Variants in ELN observed in about 807,000 individuals in gnomAD.
ELN encodes the protein tropoelastin.
In ELN, 65 loss-of-function variants were observed where a neutral mutation model predicts 105.8. The observed-to-expected ratio is 0.61, with a 90% CI of 0.50 to 0.75. ELN has a LOEUF of 0.75. ELN is among the 30% of genes least tolerant of loss of function. The pLI is 0.00. For synonymous variants in ELN, 368 were observed against 389.2 expected (o/e 0.95, Z 0.64); for missense variants, 882 against 969.4 (o/e 0.91, Z 1.20).
intron 5 of ELN, 137 bp downstream of exon 5, chr7:74,041,388 G>A: frequency 1.8e-6 from 2 of 1,084,982 alleles, no homozygotes; most frequent in East Asian, 2.4e-5. Flanking sequence ...GACTGATGCT[G>A]ATACCAACTG....
At chr7:74,047,950 T>G (rs1792955045) in intron 13 of ELN, among the ~76,000 whole-genome samples, 192 bp from the exon 14 acceptor site, 2 of 152,206 alleles carry the variant, frequency 1.3e-5, no homozygotes, top group Non-Finnish European at 2.9e-5. Flanking sequence ...GTTGCTTCTT[T>G]GAGCCTCTGT....
Position 74,051,989 on chromosome 7 carries a change from T to G in ELN, c.949+6T>G. The G allele has an allele frequency of 6.2e-7, 1 of 1,612,802 alleles. No individual in the cohort carries two copies. The highest frequency in any genetic ancestry group is 8.5e-7 in the Non-Finnish European group (1 of 1,179,984). ...CGCTAAGGCAGCCAAGTATGGTGAG[T>G]GCCTCCCGGGGTGGCAAGTCCACGG... On this transcript the variant is annotated splice_donor_region_variant and intron_variant, in intron 17 of 32. Coordinates refer to ENST00000252034, the MANE Select transcript of ELN (RefSeq NM_000501.4).
chr7:74,045,075 G>T, intron 9 of ELN, 147 bp from the exon 10 acceptor site: 1 of 820,722 alleles, frequency 1.2e-6, no homozygotes, highest in South Asian at 1.4e-5. Flanking sequence ...CACTAAACAG[G>T]TCCTTTCTCC....
At chr7:74,051,065 G>A (rs974440770) in intron 15 of ELN, among the ~76,000 whole-genome samples, 2 of 152,216 alleles carry the variant, frequency 1.3e-5, no homozygotes, top group Admixed American at 6.5e-5. Flanking sequence ...CAGATGGAAC[G>A]TGGTATTCCT....
rs1583951541 is a variant in ELN, at chr7:74,059,518, C to T, written c.1415-368C>T. On this transcript the variant is annotated intron_variant, in intron 22 of 32. Transcript: ENST00000252034. The stretch of plus-strand genomic sequence containing the variant: ...CCAACATGGTGAAACCCTGTCTCTA[C>T]TAAAAATACAAAAAAATTAGCCGGG... 1.4e-5 allele frequency: 5 copies of T among 355,182 alleles called. No individual in the cohort carries two copies. In the East Asian group the frequency reaches 2.7e-4, roughly 19 times the overall value. 22.0% of individuals were successfully genotyped at this position (355,182 alleles called of 1,614,324 possible). A position where few individuals can be genotyped will look rare whatever the true frequency, so the allele number is the denominator to read the frequency against.
intron 1 of ELN, 140 bp from the exon 2 acceptor site, chr7:74,035,224 A>T: frequency 1.2e-6 from 1 of 812,520 alleles, no homozygotes; most frequent in Non-Finnish European, 2.1e-6. Flanking sequence ...AAGCAATGTC[A>T]TTATTGCCAT....
At chr7:74,052,088 TATGCATTGTTCATG>T (rs1341927891) in intron 17 of ELN, 105 bp downstream of exon 17, 14 of 1,296,050 alleles carry the variant, frequency 1.1e-5, no homozygotes, top group Non-Finnish European at 1.5e-5. Flanking sequence ...CCTTCCCAAA[TATGCATTGTTCATG>T]CCTCCTTACC....
In ELN at chr7:74,035,419, C is replaced by T. The variant is rs375144839; in HGVS notation, c.133+5C>T. ...CTGGAGGAGTCTTTTATCCAGGTAA[C>T]GTACATGAAACTTCCACACACCCAG... is the stretch of plus-strand genomic sequence containing the variant. On this transcript the variant is annotated splice_donor_5th_base_variant and intron_variant, in intron 2 of 32. Transcript: ENST00000252034. 13 of 1,613,964 alleles carry T rather than the reference C, an allele frequency of 8.1e-6. No homozygotes were observed. In the East Asian group the frequency reaches 1.3e-4, roughly 17 times the overall value.
intron 15 of ELN, 142 bp from the exon 16 acceptor site, chr7:74,051,608 C>T: frequency 1.2e-6 from 1 of 837,222 alleles, no homozygotes; most frequent in Non-Finnish European, 1.9e-6. Context: ...GGGGGCCTCC[C>T]CAGACAGGCC....
intron 19 of ELN, among the ~76,000 whole-genome samples, chr7:74,055,390 A>G (rs1464536217): frequency 6.6e-6 from 1 of 152,204 alleles, no homozygotes; most frequent in Non-Finnish European, 1.5e-5. Context: ...AGCCTGGGCA[A>G]CATAGCAAGA....
intron 32 of ELN, among the ~76,000 whole-genome samples, chr7:74,068,375 A>G (rs1331350225): frequency 6.6e-6 from 1 of 152,222 alleles, no homozygotes; most frequent in Non-Finnish European, 1.5e-5. Flanking sequence ...CAGTGGAGCC[A>G]GGAGCCAGTG....
At chr7:74,058,369 T>C (rs1331013399) in intron 22 of ELN, among the ~76,000 whole-genome samples, 1 of 151,676 alleles carries the variant, frequency 6.6e-6, no homozygotes, top group Non-Finnish European at 1.5e-5. Flanking sequence ...TCTCCTTTTT[T>C]CTTGAGATAG....
Position 74,069,866 on chromosome 7 carries a change from TG to T in ELN, c.*1167del, listed in dbSNP as rs1458906895. The T allele has an allele frequency of 2.1e-5, 4 of 193,170 alleles. No homozygotes were observed. The highest frequency in any genetic ancestry group is 7.0e-5 in the African/African-American group (3 of 43,018). The allele number at this position is 193,170 out of a possible 1,614,324, so 12.0% of individuals were successfully genotyped here. A position where few individuals can be genotyped will look rare whatever the true frequency, so the allele number is the denominator to read the frequency against. ...TTTTTAATAAGAAAAGAGAATTAAC[TG>T]CTTCAGAAATGACTAATAAATGAAA... On this transcript the variant is annotated 3_prime_UTR_variant, in exon 33 of 33. Transcript: ENST00000252034.
Position 74,039,107 on chromosome 7 carries a change from G to A in ELN, c.196+1368G>A, listed in dbSNP as rs554363385. Among the ~76,000 whole-genome samples the A allele has an allele frequency of 2.3e-3, 348 of 152,272 alleles. 1 individual carries two copies. Among genetic ancestry groups the A allele is most frequent in the Middle Eastern group, 0.014 (4 of 294 alleles). ...GGAGGTTGTGCCTGCAAAGCTGGAG[G>A]GTACATTCATTGATCCCACTAGGAG... On this transcript the variant is annotated intron_variant, in intron 4 of 32. Transcript: ENST00000252034.
intron 12 of ELN, 24 bp downstream of exon 12, chr7:74,046,791 A>T (rs781912178): frequency 1.2e-6 from 2 of 1,613,644 alleles, no homozygotes; most frequent in Non-Finnish European, 1.7e-6. Flanking sequence ...ACGGTTCAAG[A>T]TGCACCACTC....
chr7:74,057,526 G>C, intron 21 of ELN, 114 bp from the exon 22 acceptor site: 1 of 1,604,680 alleles, frequency 6.2e-7, no homozygotes, highest in Non-Finnish European at 8.5e-7. Context: ...AGGGTCCCTG[G>C]AGTTGACCAA....
rs148348469 is a variant in ELN, at chr7:74,068,190, G to A, written c.2132-467G>A. On this transcript the variant is annotated intron_variant, in intron 32 of 32. Transcript: ENST00000252034. ...TTGAGTCCCAGCTCAGACACTATGTGGATAAGACCCTCTCTCCCTCTACTG... is the reference window on the plus strand; with the variant it reads ...TTGAGTCCCAGCTCAGACACTATGTAGATAAGACCCTCTCTCCCTCTACTG... Among the ~76,000 whole-genome samples the A allele has an allele frequency of 3.3e-3, 507 of 152,230 alleles. 1 individual carries two copies. The highest frequency in any genetic ancestry group is 5.9e-3 in the Non-Finnish European group (399 of 68,014).
chr7:74,041,068 A>G, intron 4 of ELN, 148 bp from the exon 5 acceptor site: 1 of 974,836 alleles, frequency 1.0e-6, no homozygotes, highest in East Asian at 2.4e-5. Context: ...ATGCTATTTT[A>G]TCAGGATCGA....
chr7:74,054,816 CT>C, intron 19 of ELN, 47 bp downstream of exon 19: 1 of 1,605,592 alleles, frequency 6.2e-7, no homozygotes, highest in Admixed American at 1.7e-5. Flanking sequence ...CTGGCCTTTA[CT>C]TGCCAGAACT....
Sources: gnomAD v4.1 joint callset for allele counts (sites outside exome capture counted in the v4.1 genomes callset) on GRCh38, gnomAD v4.1.1 for gene constraint, MANE v1.5 for transcripts, NCBI Gene and HGNC (gene_info 2026-07-23, HGNC 2026-07-21) for gene names.